The following DCHS2 variants were observed in gnomAD, a reference collection of about 807,000 sequenced individuals.
DCHS2 encodes protocadherin-23.
Under a neutral mutation model 182.4 loss-of-function variants are expected in DCHS2, and 142 were observed. That is an observed-to-expected ratio of 0.78 (90% confidence interval 0.68 to 0.89). The LOEUF is 0.89. Among genes scored for constraint, DCHS2 ranks in the 40% least tolerant of loss-of-function variants. The pLI is 0.00. For synonymous variants in DCHS2, 1,740 were observed against 1,663.3 expected (o/e 1.05, Z -1.12); for missense variants, 4,319 against 4,198.6 (o/e 1.03, Z -0.79).
At chr4:154,367,911 G>A (rs28475447) in intron 2 of DCHS2, among the ~76,000 whole-genome samples, 2,813 of 138,098 alleles carry the variant, frequency 0.02, 83 homozygotes, top group African/African-American at 0.062. Context: ...ACCCAGAAAC[G>A]GCTGTCCTGC....
In DCHS2 at chr4:154,235,572, T is replaced by C. The variant is rs752602915; in HGVS notation, c.9080A>G (p.Asn3027Ser). 5.6e-6 allele frequency: 9 copies of C among 1,614,078 alleles called. No homozygotes were observed. In the South Asian group the frequency reaches 6.6e-5, roughly 12 times the overall value. ...AGATGAGGTTTTCTTCTCCTCATAA[T>C]TGTTTATTGTGTCTTTTTGTTTATG... ...LRHKQKDTIN[N>S]YEEKKTSSLD... The change falls in exon 20 of 20, where the codon AAT becomes AGT. Residue 3027 changes from asparagine (N) to serine (S), a missense_variant. Coordinates refer to ENST00000357232, the MANE Select transcript of DCHS2 (RefSeq NM_001358235.2).
intron 1 of DCHS2, among the ~76,000 whole-genome samples, chr4:154,423,792 A>G (rs949725250): frequency 2.0e-5 from 3 of 152,224 alleles, no homozygotes; most frequent in Non-Finnish European, 4.4e-5. Flanking sequence ...ACTTATATGC[A>G]TGCATTAAAA....
At chr4:154,397,099 A>G (rs960212163) in intron 1 of DCHS2, among the ~76,000 whole-genome samples, 5 of 152,236 alleles carry the variant, frequency 3.3e-5, no homozygotes, top group African/African-American at 7.2e-5. Flanking sequence ...GCACAGGGGC[A>G]TGTAATATAA....
intron 18 of DCHS2, 95 bp from the exon 19 acceptor site, chr4:154,239,397 G>A: frequency 6.4e-7 from 1 of 1,550,580 alleles, no homozygotes; most frequent in East Asian, 2.3e-5. Context: ...TATTCATTTT[G>A]ATTATGGAAA....
rs150609567 is a variant in DCHS2 at position 154,271,010 on chromosome 4, A to T, written c.6464-997T>A. Among the ~76,000 whole-genome samples, 140 of 152,284 alleles carry T rather than the reference A, an allele frequency of 9.2e-4. 1 individual carries two copies. Among genetic ancestry groups the T allele is most frequent in the Non-Finnish European group, 1.2e-3 (84 of 68,022 alleles). ...AAACAGAAATTCAGTTAGGTATAGG[A>T]ATTGGAAAGACAAAAGAGAAGGAAG... is the stretch of plus-strand genomic sequence containing the variant. On this transcript the variant is annotated intron_variant, in intron 13 of 19. Coordinates refer to ENST00000357232, the MANE Select transcript of DCHS2 (RefSeq NM_001358235.2).
intron 1 of DCHS2, among the ~76,000 whole-genome samples, chr4:154,476,750 G>C (rs1735699412): frequency 6.6e-6 from 1 of 152,188 alleles, no homozygotes; most frequent in Non-Finnish European, 1.5e-5. Context: ...TTACCTGTGA[G>C]GAATGCTGCA....
rs574962763 is a variant in DCHS2, at chr4:154,359,141, G to A, written c.2476+7069C>T. On this transcript the variant is annotated intron_variant, in intron 3 of 19. Coordinates refer to ENST00000357232, the MANE Select transcript of DCHS2 (RefSeq NM_001358235.2). ...GGGACAAACATTAACTTTAAAAAAC[G>A]TCATTAATTAACTTACAGAGCACTG... 7.2e-5 allele frequency among the ~76,000 whole-genome samples: 11 copies of A among 151,896 alleles called. No homozygotes were observed. In the South Asian group the frequency reaches 1.5e-3, roughly 20 times the overall value.
intron 3 of DCHS2, among the ~76,000 whole-genome samples, chr4:154,358,925 ATGTG>A (rs1328045477): frequency 6.6e-6 from 1 of 151,602 alleles, no homozygotes; most frequent in Non-Finnish European, 1.5e-5. Flanking sequence ...TATGTAATAT[ATGTG>A]TGTATCATAA....
chr4:154,398,369 T>C (rs1252743958), intron 1 of DCHS2, among the ~76,000 whole-genome samples: 1 of 152,204 alleles, frequency 6.6e-6, no homozygotes, highest in African/African-American at 2.4e-5. Context: ...GTGCAGAAAG[T>C]GTCCAATGCC....
chr4:154,489,200 G>A (rs979370945), intron 1 of DCHS2, 104 bp downstream of exon 1: 2 of 983,654 alleles, frequency 2.0e-6, no homozygotes, highest in East Asian at 2.7e-5. Context: ...TTGTATTTGA[G>A]AGCCGGAATA....
chr4:154,393,986 A>G (rs1731821689), intron 1 of DCHS2, among the ~76,000 whole-genome samples: 1 of 152,182 alleles, frequency 6.6e-6, no homozygotes, highest in Admixed American at 6.5e-5. Context: ...AATCAATCTA[A>G]GTAAGATTTA....
At chr4:154,326,406 G>A (rs1406982593) in intron 7 of DCHS2, among the ~76,000 whole-genome samples, 1 of 152,064 alleles carries the variant, frequency 6.6e-6, no homozygotes, top group Admixed American at 6.6e-5. Context: ...TAGTCACATT[G>A]TAAACAATGG....
At chr4:154,451,075 A>C (rs1327483817) in intron 1 of DCHS2, among the ~76,000 whole-genome samples, 1 of 152,174 alleles carries the variant, frequency 6.6e-6, no homozygotes, top group Non-Finnish European at 1.5e-5. Context: ...GCTAGTTTTC[A>C]GTGGGTCCTG....
Position 154,236,399 on chromosome 4 carries a change from A to G in DCHS2, c.8253T>C (p.Ser2751=), listed in dbSNP as rs1731505582. The G allele has an allele frequency of 6.2e-7, 1 of 1,613,974 alleles. No homozygotes were observed. The highest frequency in any genetic ancestry group is 8.5e-7 in the Non-Finnish European group (1 of 1,179,986). Residue 2751 remains serine (S), a synonymous_variant, in exon 20 of 20, where the codon TCT becomes TCC. Transcript: ENST00000357232. ...QASDAEKKHF[S]FAVVFVSVLD... ...GGACACTGACAAACACAACTGCAAA[A>G]GAAAAATGTTTCTTTTCTGCATCTG...
intron 16 of DCHS2, among the ~76,000 whole-genome samples, chr4:154,246,382 C>G (rs1364384129): frequency 6.6e-6 from 1 of 152,090 alleles, no homozygotes; most frequent in Non-Finnish European, 1.5e-5. Flanking sequence ...CATATACTGC[C>G]ATTTGTATGT....
intron 1 of DCHS2, among the ~76,000 whole-genome samples, chr4:154,384,173 T>C (rs1342063580): frequency 1.3e-5 from 2 of 152,214 alleles, no homozygotes. Flanking sequence ...CCACAACTAA[T>C]GCAAGTATGC....
At chr4:154,380,754 T>C (rs1731131568) in intron 1 of DCHS2, among the ~76,000 whole-genome samples, 2 of 152,170 alleles carry the variant, frequency 1.3e-5, no homozygotes, top group Admixed American at 1.3e-4. Context: ...TTTTTCTTCC[T>C]GTTGTGACCA....
At chr4:154,292,697 T>G (rs1269958014) in intron 13 of DCHS2, among the ~76,000 whole-genome samples, 2 of 152,136 alleles carry the variant, frequency 1.3e-5, no homozygotes, top group African/African-American at 4.8e-5. Context: ...TGTTCATACC[T>G]CCTGATACCA....
In DCHS2 at chr4:154,239,255, C is replaced by T; in HGVS notation, c.7407G>A (p.Leu2469=). Residue 2469 remains leucine (L), a synonymous_variant, in exon 19 of 20, where the codon CTG becomes CTA. Coordinates refer to ENST00000357232, the MANE Select transcript of DCHS2 (RefSeq NM_001358235.2). ...CATTGCTTTCTAAGTCTGTGGCTGA[C>T]AGAGTCAGCACTGAATACCCCACAG... The part of the protein sequence containing the change: ...SIPVGYSVLT[L]SATDLESNEN... 6.2e-7 allele frequency: 1 copy of T among 1,613,470 alleles called. No individual in the cohort carries two copies. The highest frequency in any genetic ancestry group is 8.5e-7 in the Non-Finnish European group (1 of 1,179,708).
Sources: allele counts gnomAD v4.1 joint callset (sites outside exome capture counted in the v4.1 genomes callset), GRCh38; gene constraint gnomAD v4.1.1; transcripts MANE v1.5; gene names NCBI Gene and HGNC (gene_info 2026-07-23, HGNC 2026-07-21).